Variants in MNAT1 observed in about 807,000 individuals in gnomAD.
MNAT1 encodes the protein CDK-activating kinase assembly factor MAT1.
In MNAT1, 43 loss-of-function variants were observed where a neutral mutation model predicts 42.0. That is an observed-to-expected ratio of 1.02 (90% confidence interval 0.80 to 1.32). MNAT1 has a LOEUF of 1.32. MNAT1 is among the 40% of genes most tolerant of loss of function. The pLI is 0.00. For missense variants in MNAT1, 306 were observed against 350.4 expected (o/e 0.87, Z 1.01); for synonymous variants, 118 against 120.0 (o/e 0.98, Z 0.11).
intron 1 of MNAT1, among the ~76,000 whole-genome samples, chr14:60,736,804 A>C (rs2140279893): frequency 6.6e-6 from 1 of 152,340 alleles, no homozygotes; most frequent in East Asian, 1.9e-4. Context: ...AGTATTAAAT[A>C]ATATATGGAA....
intron 7 of MNAT1, among the ~76,000 whole-genome samples, chr14:60,882,157 A>G (rs1290156571): frequency 6.6e-6 from 1 of 152,032 alleles, no homozygotes; most frequent in African/African-American, 2.4e-5. Flanking sequence ...ACAAAAACAA[A>G]CAAAACAAAA....
At chr14:60,956,451 A>G (rs2036489201) in intron 7 of MNAT1, among the ~76,000 whole-genome samples, 1 of 152,158 alleles carries the variant, frequency 6.6e-6, no homozygotes, top group Non-Finnish European at 1.5e-5. Context: ...TGTTCTTTGC[A>G]CTCAAGAAGA....
At chr14:60,868,865 T>C (rs1287192312) in intron 6 of MNAT1, among the ~76,000 whole-genome samples, 2 of 151,990 alleles carry the variant, frequency 1.3e-5, no homozygotes, top group Non-Finnish European at 2.9e-5. Flanking sequence ...TTATTTCTTA[T>C]GTACTCTCAT....
intron 4 of MNAT1, among the ~76,000 whole-genome samples, chr14:60,809,760 G>A (rs536278700): frequency 2.6e-5 from 4 of 152,152 alleles, no homozygotes; most frequent in African/African-American, 9.6e-5. Flanking sequence ...CAGTTTATAA[G>A]TATTTTGTTG....
At chr14:60,829,473 A>G (rs908004938) in intron 6 of MNAT1, among the ~76,000 whole-genome samples, 1 of 152,160 alleles carries the variant, frequency 6.6e-6, no homozygotes, top group Non-Finnish European at 1.5e-5. Context: ...TATGAGTTTT[A>G]TGTAATATTC....
chr14:60,849,549 A>G (rs1566793308), intron 6 of MNAT1, among the ~76,000 whole-genome samples: 1 of 152,302 alleles, frequency 6.6e-6, no homozygotes, highest in Admixed American at 6.5e-5. Context: ...GTCTGTTATT[A>G]TACTAATAAG....
chr14:60,907,651 G>A (rs1594856986), intron 7 of MNAT1, among the ~76,000 whole-genome samples: 2 of 150,502 alleles, frequency 1.3e-5, no homozygotes, highest in African/African-American at 2.4e-5. Flanking sequence ...GCATGGTGGT[G>A]TATGCCTGTA....
chr14:60,948,688 G>A (rs953167823), intron 7 of MNAT1, among the ~76,000 whole-genome samples: 2 of 151,944 alleles, frequency 1.3e-5, no homozygotes, highest in African/African-American at 4.8e-5. Flanking sequence ...CTTCCTATTA[G>A]ACTTATATCT....
At chr14:60,748,415 G>T (rs566201738) in intron 1 of MNAT1, among the ~76,000 whole-genome samples, 24 of 152,202 alleles carry the variant, frequency 1.6e-4, no homozygotes, top group Non-Finnish European at 2.6e-4. Context: ...ATTTTTAGTA[G>T]GGATGAGGTA....
chr14:60,831,252 A>C (rs1005814750), intron 6 of MNAT1, among the ~76,000 whole-genome samples: 1 of 152,130 alleles, frequency 6.6e-6, no homozygotes, highest in African/African-American at 2.4e-5. Flanking sequence ...ATAGGTATAC[A>C]CGAGCCATGG....
intron 6 of MNAT1, among the ~76,000 whole-genome samples, chr14:60,866,750 A>C (rs999283269): frequency 6.6e-6 from 1 of 152,082 alleles, no homozygotes; most frequent in African/African-American, 2.4e-5. Context: ...TCCAGAGTTT[A>C]GTTGTAATTA....
At chr14:60,886,641 G>T (rs2034679147) in intron 7 of MNAT1, among the ~76,000 whole-genome samples, 1 of 151,272 alleles carries the variant, frequency 6.6e-6, no homozygotes, top group Admixed American at 6.6e-5. Flanking sequence ...TTACAAAAAA[G>T]CTAATGTAAT....
intron 7 of MNAT1, among the ~76,000 whole-genome samples, chr14:60,967,715 G>A (rs1343680009): frequency 6.6e-6 from 1 of 152,160 alleles, no homozygotes; most frequent in Non-Finnish European, 1.5e-5. Context: ...TTCCTGCAAG[G>A]AATGAGACAA....
intron 7 of MNAT1, among the ~76,000 whole-genome samples, chr14:60,946,168 A>ATT (rs2036271517): frequency 6.6e-6 from 1 of 152,138 alleles, no homozygotes; most frequent in African/African-American, 2.4e-5. Context: ...CTGTGTTGAA[A>ATT]TATTTCCTTT....
At chr14:60,920,632 AG>A (rs2035638325) in intron 7 of MNAT1, among the ~76,000 whole-genome samples, 1 of 151,986 alleles carries the variant, frequency 6.6e-6, no homozygotes, top group Admixed American at 6.6e-5. Context: ...TAGTAGAGAC[AG>A]GGTTTCACCA....
Position 60,929,190 on chromosome 14 carries a change from T to TA in MNAT1, c.810-39038dup, listed in dbSNP as rs1290344088. Among the ~76,000 whole-genome samples the TA allele has an allele frequency of 4.6e-4, 66 of 143,810 alleles. 1 individual carries two copies. In the East Asian group the frequency reaches 9.6e-3, roughly 21 times the overall value. The allele number at this position is 143,810 out of a possible 152,430, so 94.3% of individuals were successfully genotyped here. A position where few individuals can be genotyped will look rare whatever the true frequency, so the allele number is the denominator to read the frequency against. On this transcript the variant is annotated intron_variant, in intron 7 of 7. Coordinates refer to ENST00000261245, the MANE Select transcript of MNAT1 (RefSeq NM_002431.4). ...AAAAAAATATATATATATATATATA[T>TA]ATATGTATATTTATATTTTGTAAAT...
intron 6 of MNAT1, among the ~76,000 whole-genome samples, chr14:60,858,783 A>G (rs1194945560): frequency 1.3e-5 from 2 of 152,184 alleles, no homozygotes; most frequent in African/African-American, 4.8e-5. Flanking sequence ...AAAAGATGCA[A>G]TTTGCTGAAG....
intron 6 of MNAT1, among the ~76,000 whole-genome samples, chr14:60,840,628 A>G (rs1415966290): frequency 2.0e-5 from 3 of 152,112 alleles, no homozygotes; most frequent in African/African-American, 4.8e-5. Flanking sequence ...TACTATAGTC[A>G]AAGAACATAT....
chr14:60,745,118 C>A lies in MNAT1; in HGVS notation c.89+10167C>A, dbSNP rs1186591460. 3.3e-5 allele frequency among the ~76,000 whole-genome samples: 5 copies of A among 152,146 alleles called. No individual in the cohort carries two copies. In the South Asian group the frequency reaches 1.0e-3, roughly 32 times the overall value. ...ATTTGGCTTAGCACAATCACTATTCCCTTGTTAAACTCTTGCTTGCTGGGC... is the reference window on the plus strand; with the variant it reads ...ATTTGGCTTAGCACAATCACTATTCACTTGTTAAACTCTTGCTTGCTGGGC... On this transcript the variant is annotated intron_variant, in intron 1 of 7. Transcript: ENST00000261245.
Sources: allele counts gnomAD v4.1 joint callset (sites outside exome capture counted in the v4.1 genomes callset), GRCh38; gene constraint gnomAD v4.1.1; transcripts MANE v1.5; gene names NCBI Gene and HGNC (gene_info 2026-07-23, HGNC 2026-07-21).